Variants in IFT88 observed in about 807,000 individuals in gnomAD.
IFT88 encodes the protein intraflagellar transport protein 88 homolog.
IFT88 carries 74 observed loss-of-function variants against 119.5 expected under a neutral mutation model. The observed-to-expected ratio is 0.62, with a 90% confidence interval of 0.51 to 0.75. The LOEUF is 0.75. IFT88 is among the 30% of genes least tolerant of loss of function. IFT88 has a pLI of 0.00. For missense variants in IFT88, 961 were observed against 977.7 expected (o/e 0.98, Z 0.23); for synonymous variants, 279 against 316.7 (o/e 0.88, Z 1.26).
At chr13:20,670,523 CTTTT>C (rs56143632) in intron 23 of IFT88, among the ~76,000 whole-genome samples, 9 of 94,970 alleles carry the variant, frequency 9.5e-5, no homozygotes, top group African/African-American at 2.3e-4. Context: ...CTCAGCTTAC[CTTTT>C]TTTTTTTTTT....
intron 13 of IFT88, among the ~76,000 whole-genome samples, chr13:20,614,168 T>C (rs1295709389): frequency 6.6e-6 from 1 of 152,232 alleles, no homozygotes; most frequent in Non-Finnish European, 1.5e-5. Flanking sequence ...TTACACGCCA[T>C]GACCAAGTAG....
In IFT88 at chr13:20,597,986, CATTT is replaced by C. The variant is rs1464598392; in HGVS notation, c.595-659_595-656del. On this transcript the variant is annotated intron_variant, in intron 9 of 25. Transcript: ENST00000351808. ...AACTAATGCCTCTAATTTCTAGCAA[CATTT>C]ATTTAATTCTGAAAAGACACCTCCA... 1.9e-4 allele frequency among the ~76,000 whole-genome samples: 29 copies of C among 151,978 alleles called. 1 individual carries two copies. The East Asian group carries it at 5.2e-3, about 27-fold the overall frequency.
At chr13:20,589,917 G>A (rs746475181) in intron 4 of IFT88, 50 bp downstream of exon 4, 16 of 1,090,436 alleles carry the variant, frequency 1.5e-5, no homozygotes, top group Non-Finnish European at 2.1e-5. Flanking sequence ...TCATACAATA[G>A]TTCACTTTAG....
intron 14 of IFT88, among the ~76,000 whole-genome samples, chr13:20,616,865 T>A (rs1188815117): frequency 6.6e-6 from 1 of 152,280 alleles, no homozygotes; most frequent in African/African-American, 2.4e-5. Context: ...CAATAGGAAT[T>A]TTTTAGCACC....
At chr13:20,586,906 C>CT (rs1593838260) in intron 3 of IFT88, among the ~76,000 whole-genome samples, 3 of 45,100 alleles carry the variant, frequency 6.7e-5, no homozygotes, top group East Asian at 9.6e-3. Context: ...TGTTTTTTCC[C>CT]ATTTTTTTTA....
At chr13:20,646,788 T>C (rs2050822142) in intron 20 of IFT88, among the ~76,000 whole-genome samples, 1 of 151,732 alleles carries the variant, frequency 6.6e-6, no homozygotes, top group Non-Finnish European at 1.5e-5. Context: ...ACTTTAATTC[T>C]GAGCTTATCC....
chr13:20,607,917 C>A, intron 13 of IFT88: 1 of 674,470 alleles, frequency 1.5e-6, no homozygotes, highest in South Asian at 1.4e-5. Flanking sequence ...TCCTCGGGGT[C>A]TTCCTCTACA....
intron 20 of IFT88, 124 bp downstream of exon 20, chr13:20,645,082 AT>A (rs562984986): frequency 1.9e-4 from 100 of 516,200 alleles, no homozygotes; most frequent in African/African-American, 1.6e-3. Context: ...TTCATAAATT[AT>A]TTTTGTTTGT....
intron 20 of IFT88, among the ~76,000 whole-genome samples, chr13:20,653,479 C>G (rs1281569529): frequency 6.6e-6 from 1 of 152,034 alleles, no homozygotes; most frequent in East Asian, 1.9e-4. Context: ...TTAGTCGAAG[C>G]CTGATTCTTC....
At chr13:20,672,902 A>C (rs755630668) in intron 24 of IFT88, among the ~76,000 whole-genome samples, 3 of 152,256 alleles carry the variant, frequency 2.0e-5, no homozygotes, top group Admixed American at 1.3e-4. Flanking sequence ...TGTACCAAAA[A>C]TGTTCTTAAC....
intron 20 of IFT88, among the ~76,000 whole-genome samples, chr13:20,648,718 G>C (rs955637118): frequency 2.6e-5 from 4 of 151,980 alleles, no homozygotes; most frequent in African/African-American, 9.7e-5. Context: ...CCCATTAAAA[G>C]AAAAACTTAG....
chr13:20,571,829 C>T (rs139209845), intron 1 of IFT88, among the ~76,000 whole-genome samples: 74 of 152,264 alleles, frequency 4.9e-4, no homozygotes, highest in African/African-American at 1.6e-3. Context: ...ATCTCAGCAG[C>T]TATAAATAAA....
chr13:20,634,388 A>T (rs982749548), intron 16 of IFT88, among the ~76,000 whole-genome samples: 4 of 152,054 alleles, frequency 2.6e-5, no homozygotes, highest in African/African-American at 9.7e-5. Context: ...AAAGGCCAGG[A>T]TCTACATCAG....
chr13:20,625,890 A>G, intron 15 of IFT88, 41 bp downstream of exon 15: 2 of 1,048,556 alleles, frequency 1.9e-6, no homozygotes. Context: ...TCCATATCTT[A>G]ATTGGTCAAA....
intron 14 of IFT88, among the ~76,000 whole-genome samples, chr13:20,616,748 T>G (rs2045679747): frequency 6.6e-6 from 1 of 152,218 alleles, no homozygotes; most frequent in Admixed American, 6.5e-5. Context: ...CATAATTGTA[T>G]GTGCTGTGCT....
Position 20,612,900 on chromosome 13 carries a change from A to G in IFT88, c.1113-2893A>G, listed in dbSNP as rs187090177. Among the ~76,000 whole-genome samples, 6 of 152,354 alleles carry G rather than the reference A, an allele frequency of 3.9e-5. No individual in the cohort carries two copies. The East Asian group carries it at 1.2e-3, about 29-fold the overall frequency. On this transcript the variant is annotated intron_variant, in intron 13 of 25. Coordinates refer to ENST00000351808, the MANE Select transcript of IFT88 (RefSeq NM_006531.5). ...AAAAGTGGATATTCTCTTGCAAAAG[A>G]ATGAAGTTGTACATCTCTTTCACAC...
chr13:20,686,766 T>C (rs1371877242), intron 24 of IFT88, among the ~76,000 whole-genome samples: 1 of 152,208 alleles, frequency 6.6e-6, no homozygotes, highest in Non-Finnish European at 1.5e-5. Context: ...ATTTTTATGC[T>C]CATAACCATA....
intron 24 of IFT88, among the ~76,000 whole-genome samples, chr13:20,679,544 A>G (rs2057085027): frequency 6.6e-6 from 1 of 152,176 alleles, no homozygotes; most frequent in Admixed American, 6.5e-5. Context: ...GGCTCTTACT[A>G]CTAAAATAGA....
At chr13:20,595,558 G>A (rs985932705) in intron 7 of IFT88, among the ~76,000 whole-genome samples, 6 of 151,742 alleles carry the variant, frequency 4.0e-5, no homozygotes, top group African/African-American at 7.3e-5. Context: ...CCAAAGTGCT[G>A]GGATTACAGG....
Sources: allele counts gnomAD v4.1 joint callset (sites outside exome capture counted in the v4.1 genomes callset), GRCh38; gene constraint gnomAD v4.1.1; transcripts MANE v1.5; gene names NCBI Gene and HGNC (gene_info 2026-07-23, HGNC 2026-07-21).